NRXN3: variants seen among roughly 807,000 people sequenced by gnomAD.
NRXN3 encodes the protein neurexin III.
NRXN3 carries 32 observed loss-of-function variants against 137.6 expected under a neutral mutation model. That is an observed-to-expected ratio of 0.23 (90% confidence interval 0.18 to 0.31). NRXN3 has a LOEUF of 0.31. NRXN3 is among the 10% of genes least tolerant of loss of function. NRXN3 has a pLI of 1.00. For synonymous variants in NRXN3, 798 were observed against 784.5 expected, an observed-to-expected ratio of 1.02 and a Z score of -0.29; for missense variants, 1,574 against 2,062.5, an observed-to-expected ratio of 0.76 and a Z score of 4.59.
At chr14:79,369,184 T>A (rs1165656611) in intron 15 of NRXN3, among the ~76,000 whole-genome samples, 1 of 151,930 alleles carries the variant, frequency 6.6e-6, no homozygotes, top group African/African-American at 2.4e-5. Context: ...TAATCAAAGG[T>A]GGGTACAATG....
At chr14:78,590,920 A>G (rs2097110430) in intron 4 of NRXN3, among the ~76,000 whole-genome samples, 1 of 152,190 alleles carries the variant, frequency 6.6e-6, no homozygotes, top group South Asian at 2.1e-4. Flanking sequence ...CAAACAAACA[A>G]AAAACCAAAA....
intron 4 of NRXN3, among the ~76,000 whole-genome samples, chr14:78,372,367 C>CT (rs1304641249): frequency 6.6e-6 from 1 of 151,430 alleles, no homozygotes; most frequent in Non-Finnish European, 1.5e-5. Flanking sequence ...CTGATGGAGA[C>CT]TTGCTCTGTT....
chr14:79,442,388 G>T (rs527985888), intron 15 of NRXN3, among the ~76,000 whole-genome samples: 4 of 152,160 alleles, frequency 2.6e-5, no homozygotes, highest in Admixed American at 1.3e-4. Flanking sequence ...ATCAGAAAGA[G>T]CTGCTTCTAC....
chr14:78,414,165 T>C (rs1440660659), intron 4 of NRXN3, among the ~76,000 whole-genome samples: 2 of 152,110 alleles, frequency 1.3e-5, no homozygotes, highest in African/African-American at 4.8e-5. Flanking sequence ...ATTAGCAGCA[T>C]GAGAACAGGC....
intron 20 of NRXN3, among the ~76,000 whole-genome samples, chr14:79,825,206 C>CTTTTTTTTTTTTTTTTTTTTTTTTTT (rs11449914): frequency 8.5e-6 from 1 of 117,820 alleles, no homozygotes; most frequent in Non-Finnish European, 1.7e-5. Flanking sequence ...TCTTTGTGTG[C>CTTTTTTTTTTTTTTTTTTTTTTTTTT]TTTTTTTTTT....
chr14:78,681,103 A>C lies in NRXN3; in HGVS notation c.1222-28114A>C, dbSNP rs140733325. ...TCCATTTGGGGGTTGAGTCCTTCCA[A>C]ATCTTTCTGGAAAGCTCAATTCTTT... On this transcript the variant is annotated intron_variant, in intron 6 of 20. Coordinates refer to ENST00000335750, the MANE Select transcript of NRXN3 (RefSeq NM_001330195.2). 2.8e-4 allele frequency among the ~76,000 whole-genome samples: 42 copies of C among 152,292 alleles called. No homozygotes were observed. The East Asian group carries it at 7.5e-3, about 27-fold the overall frequency.
intron 4 of NRXN3, among the ~76,000 whole-genome samples, chr14:78,375,899 T>G (rs1597949940): frequency 1.3e-5 from 2 of 152,224 alleles, no homozygotes; most frequent in Middle Eastern, 6.8e-3. Flanking sequence ...TTTCCCCTTC[T>G]CATGACTCCC....
chr14:79,210,688 G>A (rs548668639), intron 15 of NRXN3, among the ~76,000 whole-genome samples: 3 of 152,132 alleles, frequency 2.0e-5, no homozygotes, highest in East Asian at 1.9e-4. Context: ...TTTAATAAAC[G>A]TTCCTGACTT....
At chr14:79,619,286 C>T (rs966339540) in intron 16 of NRXN3, among the ~76,000 whole-genome samples, 5 of 151,972 alleles carry the variant, frequency 3.3e-5, no homozygotes, top group African/African-American at 9.7e-5. Flanking sequence ...CCAAGGCCAA[C>T]GTTCTAAATG....
At chr14:79,214,302 A>G (rs2068152594) in intron 15 of NRXN3, among the ~76,000 whole-genome samples, 2 of 152,244 alleles carry the variant, frequency 1.3e-5, no homozygotes, top group African/African-American at 2.4e-5. Context: ...TAAAGTGCCT[A>G]GACTGTGCAT....
chr14:78,446,529 C>T (rs1319566719), intron 4 of NRXN3, among the ~76,000 whole-genome samples: 1 of 151,944 alleles, frequency 6.6e-6, no homozygotes, highest in Non-Finnish European at 1.5e-5. Context: ...ATTTAAGTGT[C>T]TAGGCCAGGA....
intron 15 of NRXN3, among the ~76,000 whole-genome samples, chr14:79,377,600 A>T (rs549025732): frequency 2.0e-5 from 1 of 50,750 alleles, no homozygotes; most frequent in East Asian, 8.2e-4. Flanking sequence ...CTAAAAATAC[A>T]AAAAAATTAG....
intron 4 of NRXN3, among the ~76,000 whole-genome samples, chr14:78,333,944 G>T (rs2081148044): frequency 6.6e-6 from 1 of 152,114 alleles, no homozygotes; most frequent in African/African-American, 2.4e-5. Flanking sequence ...TGCAGTGGAC[G>T]GCGTGAGAGT....
chr14:79,243,224 C>A (rs79132960), intron 15 of NRXN3, among the ~76,000 whole-genome samples: 8,113 of 152,036 alleles, frequency 0.053, 591 homozygotes, highest in African/African-American at 0.16. Flanking sequence ...AGGATTCCAC[C>A]GTCTACTAGG....
chr14:78,337,673 A>G (rs2153578025), intron 4 of NRXN3, among the ~76,000 whole-genome samples: 1 of 152,232 alleles, frequency 6.6e-6, no homozygotes, highest in African/African-American at 2.4e-5. Flanking sequence ...TATTTTCTCT[A>G]AGCACTGAAG....
chr14:79,521,532 A>G (rs1258291213), intron 16 of NRXN3, among the ~76,000 whole-genome samples: 1 of 152,176 alleles, frequency 6.6e-6, no homozygotes, highest in Non-Finnish European at 1.5e-5. Context: ...AATATGCACT[A>G]GCTCTTTACT....
At chr14:78,732,395 G>T (rs2098520347) in intron 8 of NRXN3, among the ~76,000 whole-genome samples, 1 of 152,154 alleles carries the variant, frequency 6.6e-6, no homozygotes, top group South Asian at 2.1e-4. Context: ...TAGACTACCT[G>T]ATATTTTGTT....
chr14:78,817,597 G>A (rs949177524), intron 10 of NRXN3, among the ~76,000 whole-genome samples: 16 of 152,210 alleles, frequency 1.1e-4, no homozygotes, highest in Middle Eastern at 3.4e-3. Context: ...ATTTGGCGAG[G>A]GCTTCATGCT....
At chr14:78,831,201 T>C (rs2098980677) in intron 10 of NRXN3, among the ~76,000 whole-genome samples, 1 of 152,146 alleles carries the variant, frequency 6.6e-6, no homozygotes, top group African/African-American at 2.4e-5. Context: ...CTTGGACTTT[T>C]AATTTCCAAA....
Sources: gnomAD v4.1 joint callset for allele counts (sites outside exome capture counted in the v4.1 genomes callset) on GRCh38, gnomAD v4.1.1 for gene constraint, MANE v1.5 for transcripts, NCBI Gene and HGNC (gene_info 2026-07-23, HGNC 2026-07-21) for gene names.